Variants in PIK3CD observed in about 807,000 individuals in gnomAD.
The protein encoded by PIK3CD is phosphatidylinositol-4,5-bisphosphate 3-kinase catalytic subunit delta, also known as phosphatidylinositol 4,5-bisphosphate 3-kinase catalytic subunit delta isoform.
In PIK3CD, 20 loss-of-function variants were observed where a neutral mutation model predicts 122.9. The ratio of observed to expected loss-of-function variants is 0.16; its 90% CI spans 0.11 to 0.24. The LOEUF (loss-of-function observed/expected upper bound fraction) is 0.24, where lower values mean the gene tolerates loss of function less well. Among genes scored for constraint, PIK3CD ranks in the 10% least tolerant of loss-of-function variants. The pLI, the probability that PIK3CD is intolerant of heterozygous loss-of-function variation, is 1.00. For synonymous variants in PIK3CD, 596 were observed against 593.4 expected (o/e 1.00, Z -0.06); for missense variants, 787 against 1,406.3 (o/e 0.56, Z 7.04).
intron 1 of PIK3CD, among the ~76,000 whole-genome samples, chr1:9,658,012 A>G (rs909309824): frequency 6.6e-6 from 1 of 151,990 alleles, no homozygotes; most frequent in Admixed American, 6.6e-5. Context: ...GCTCTTTTCT[A>G]TGTTGGTCAT....
intron 1 of PIK3CD, among the ~76,000 whole-genome samples, chr1:9,675,645 G>A (rs2101051943): frequency 6.6e-6 from 1 of 152,182 alleles, no homozygotes; most frequent in African/African-American, 2.4e-5. Flanking sequence ...TGGGAGTCAG[G>A]CGGCTATGCA....
chr1:9,725,732 T>C lies in PIK3CD; in HGVS notation c.2997+796T>C, dbSNP rs149512732. On this transcript the variant is annotated intron_variant, in intron 23 of 23. Transcript: ENST00000377346. ...TCTCTACTAAAAATACAAAAATTAG[T>C]CAGGTGTGGTGGCACGCACCTGTAA... 5.8e-3 allele frequency among the ~76,000 whole-genome samples: 868 copies of C among 149,548 alleles called. 12 individuals are homozygous for C. The highest frequency in any genetic ancestry group is 0.044 in the East Asian group (217 of 4,984).
At chr1:9,665,223 A>C (rs960318940) in intron 1 of PIK3CD, among the ~76,000 whole-genome samples, 2 of 150,440 alleles carry the variant, frequency 1.3e-5, no homozygotes, top group African/African-American at 4.9e-5. Flanking sequence ...AAAAAAAAAA[A>C]CCTGAAAAAG....
At position 9,724,788 on chromosome 1, in the gene PIK3CD, T is replaced by C. The variant is rs1649237276; in HGVS notation, c.2865-16T>C. The C allele has an allele frequency of 1.9e-6, 3 of 1,612,274 alleles. No homozygotes were observed. Among genetic ancestry groups the C allele is most frequent in the Non-Finnish European group, 1.7e-6 (2 of 1,180,016 alleles). On this transcript the variant is annotated splice_polypyrimidine_tract_variant and intron_variant, in intron 22 of 23. Transcript: ENST00000377346. The surrounding 1 kb of genome is among the most constrained non-coding windows in gnomAD (Gnocchi z 7.3). ...GGAGTTCCCAGAGCCTCACTTCCTCTGTCCCCTACCTGCAGGTTCCGGGGC... is the reference window on the plus strand; with the variant it reads ...GGAGTTCCCAGAGCCTCACTTCCTCCGTCCCCTACCTGCAGGTTCCGGGGC...
rs1390239070 is a variant in PIK3CD at position 9,727,820 on chromosome 1, T to G, written c.*774T>G. On this transcript the variant is annotated 3_prime_UTR_variant, in exon 24 of 24. Transcript: ENST00000377346. Reference sequence around the variant, plus strand: ...TTATCTCAAAAATCTTTTTTTTTTTTTTGAGATGGGGTCTTCCTCTGTTGC... The same window carrying G: ...TTATCTCAAAAATCTTTTTTTTTTTGTTGAGATGGGGTCTTCCTCTGTTGC... 2 of 186,296 alleles carry G rather than the reference T, an allele frequency of 1.1e-5. No homozygotes were observed. The highest frequency in any genetic ancestry group is 6.2e-5 in the Admixed American group (1 of 16,100). The allele number at this position is 186,296 out of a possible 1,614,324, so 11.5% of individuals were successfully genotyped here. A position where few individuals can be genotyped will look rare whatever the true frequency, so the allele number is the denominator to read the frequency against.
At chr1:9,711,179 T>C (rs775069978) in intron 3 of PIK3CD, among the ~76,000 whole-genome samples, 3 of 151,900 alleles carry the variant, frequency 2.0e-5, no homozygotes, top group Non-Finnish European at 4.4e-5. Context: ...CTACAACCTC[T>C]GCCTCCCAGG....
chr1:9,709,055 GT>G lies in PIK3CD; in HGVS notation c.-32-1366del, dbSNP rs111384529. Among the ~76,000 whole-genome samples, 474 of 151,896 alleles carry G rather than the reference GT, an allele frequency of 3.1e-3. 6 individuals carry two copies. The highest frequency in any genetic ancestry group is 0.011 in the African/African-American group (448 of 41,430). ...TTTTTTCTTTTTTTTTTGAGACGGAGTTTCGCTCTTGTTACCCAGGCTGGAG... is the reference window on the plus strand; with the variant it reads ...TTTTTTCTTTTTTTTTTGAGACGGAGTTCGCTCTTGTTACCCAGGCTGGAG... On this transcript the variant is annotated intron_variant, in intron 2 of 23. Coordinates refer to ENST00000377346, the MANE Select transcript of PIK3CD (RefSeq NM_005026.5).
At chr1:9,634,776 A>G in the PIK3CD span, among the ~76,000 whole-genome samples, 1 of 152,278 alleles carries the variant, frequency 6.6e-6, no homozygotes, top group East Asian at 1.9e-4. Context: ...GTAACTTGAA[A>G]CTTAACACCC....
chr1:9,655,697 C>CT (rs576002642), intron 1 of PIK3CD, among the ~76,000 whole-genome samples: 32,327 of 120,738 alleles, frequency 0.27, 6,155 homozygotes, highest in East Asian at 0.65. Flanking sequence ...CTTTTTTCTT[C>CT]TTTTTTTTTT....
rs1570418944 is a variant in PIK3CD at position 9,728,199 on chromosome 1, G to A, written c.*1153G>A. 1 of 152,286 alleles carries A rather than the reference G, an allele frequency of 6.6e-6. No individual in the cohort carries two copies. The highest frequency in any genetic ancestry group is 1.5e-5 in the Non-Finnish European group (1 of 68,092). The allele number at this position is 152,286 out of a possible 1,614,324, so 9.4% of individuals were successfully genotyped here. ...GAACCATCACCTTTGGGAACCTGCT[G>A]TGAGAGTGCTGAGGTACCAGAAGTG... On this transcript the variant is annotated 3_prime_UTR_variant, in exon 24 of 24. Coordinates refer to ENST00000377346, the MANE Select transcript of PIK3CD (RefSeq NM_005026.5).
At chr1:9,694,165 C>G (rs1437088882) in intron 2 of PIK3CD, among the ~76,000 whole-genome samples, 1 of 152,208 alleles carries the variant, frequency 6.6e-6, no homozygotes, top group East Asian at 1.9e-4. Context: ...CCTTGGAGGA[C>G]TTCTGTCTGA....
At position 9,724,228 on chromosome 1, in the gene PIK3CD, C is replaced by T; in HGVS notation, c.2719-48C>T. The T allele has an allele frequency of 6.2e-7, 1 of 1,613,430 alleles. No homozygotes were observed. Among genetic ancestry groups the T allele is most frequent in the Non-Finnish European group, 8.5e-7 (1 of 1,179,740 alleles). On this transcript the variant is annotated intron_variant, in intron 21 of 23. Transcript: ENST00000377346. This position sits in a 1 kb window ranked among gnomAD's most constrained non-coding sequence, Gnocchi z 7.3. ...GCTTCCTGTCTCCCCTGGATTCTCTCCTGTCTGACACCTTCTCAATCCTCC... is the reference window on the plus strand; with the variant it reads ...GCTTCCTGTCTCCCCTGGATTCTCTTCTGTCTGACACCTTCTCAATCCTCC...
In PIK3CD at chr1:9,700,865, C is replaced by G. The variant is rs1264002234; in HGVS notation, c.-33+9294C>G. 2.0e-5 allele frequency among the ~76,000 whole-genome samples: 3 copies of G among 152,138 alleles called. No individual in the cohort carries two copies. Among genetic ancestry groups the G allele is most frequent in the Non-Finnish European group, 2.9e-5 (2 of 68,026 alleles). ...TCCCAAGCCCAAACCTGGCTGTCAT[C>G]CTCACTTCCTCCTGCACCGTCCCCC... On this transcript the variant is annotated intron_variant, in intron 2 of 23. Transcript: ENST00000377346. This position sits in a 1 kb window ranked among gnomAD's most constrained non-coding sequence, Gnocchi z 5.1.
chr1:9,656,987 G>A lies in PIK3CD; in HGVS notation c.-138+5185G>A, dbSNP rs557021989. 2.0e-5 allele frequency among the ~76,000 whole-genome samples: 3 copies of A among 151,474 alleles called. No homozygotes were observed. In the East Asian group the frequency reaches 5.8e-4, roughly 29 times the overall value. On this transcript the variant is annotated intron_variant, in intron 1 of 23. Transcript: ENST00000377346. ...AATGTATTCTCTCACAGTTCTGGAG[G>A]CCAGAAGTTAAAAATTAAGGCATCA...
chr1:9,727,254 G>T lies in PIK3CD; in HGVS notation c.*208G>T. 1.6e-6 allele frequency: 1 copy of T among 627,988 alleles called. No homozygotes were observed. Among genetic ancestry groups the T allele is most frequent in the Admixed American group, 2.7e-5 (1 of 37,430 alleles). 38.9% of individuals were successfully genotyped at this position (627,988 alleles called of 1,614,324 possible). On this transcript the variant is annotated 3_prime_UTR_variant, in exon 24 of 24. Coordinates refer to ENST00000377346, the MANE Select transcript of PIK3CD (RefSeq NM_005026.5). Reference sequence around the variant, plus strand: ...TAAACGGAAACGCCTCCTTCATGCAGCGGCGGTGCTGGGCCCCCCGAGGCT... The same window carrying T: ...TAAACGGAAACGCCTCCTTCATGCATCGGCGGTGCTGGGCCCCCCGAGGCT...
At chr1:9,637,901 C>A in the PIK3CD span, among the ~76,000 whole-genome samples, 2 of 151,762 alleles carry the variant, frequency 1.3e-5, no homozygotes, top group African/African-American at 4.8e-5. Context: ...GTCAGGACTT[C>A]GAGACCAGCC....
chr1:9,629,068 C>T, the PIK3CD span, among the ~76,000 whole-genome samples: 1 of 152,054 alleles, frequency 6.6e-6, no homozygotes. Flanking sequence ...CACTGTCACC[C>T]CAGTGAGGCC....
At chr1:9,668,091 C>T (rs905080694) in intron 1 of PIK3CD, among the ~76,000 whole-genome samples, 1 of 151,882 alleles carries the variant, frequency 6.6e-6, no homozygotes, top group Non-Finnish European at 1.5e-5. Context: ...GTTTAAATAG[C>T]TTTCTTTCTC....
Position 9,716,546 on chromosome 1 carries a change from C to G in PIK3CD, c.707C>G (p.Pro236Arg). Residue 236 changes from proline to arginine, a missense_variant, in exon 6 of 24, where the codon CCG becomes CGG. By Grantham distance (103) the Pro-to-Arg change is moderately radical. Coordinates refer to ENST00000377346, the MANE Select transcript of PIK3CD (RefSeq NM_005026.5). ...TVFRQPLVEQPEDYTLQVNGR... is the reference protein window; with the variant it reads ...TVFRQPLVEQREDYTLQVNGR... ...TTCCGGCAGCCGCTGGTGGAGCAGC[C>G]GGAAGACTACACGCTGCAGGTGAAC... The G allele has an allele frequency of 1.2e-6, 2 of 1,608,230 alleles. No homozygotes were observed. Among genetic ancestry groups the G allele is most frequent in the Non-Finnish European group, 1.7e-6 (2 of 1,178,614 alleles).
Sources: allele counts gnomAD v4.1 joint callset (sites outside exome capture counted in the v4.1 genomes callset), GRCh38; gene constraint gnomAD v4.1.1; non-coding constraint Gnocchi (gnomAD v3.1); transcripts MANE v1.5; gene names NCBI Gene and HGNC (gene_info 2026-07-23, HGNC 2026-07-21).